The following POLE variants were observed in gnomAD, a reference collection of about 807,000 sequenced individuals.
POLE encodes DNA polymerase epsilon catalytic subunit A.
POLE carries 188 observed loss-of-function variants against 279.2 expected under a neutral mutation model. The ratio of observed to expected loss-of-function variants is 0.67; its 90% CI spans 0.60 to 0.76. The LOEUF (loss-of-function observed/expected upper bound fraction) is 0.76, where lower values mean the gene tolerates loss of function less well. Among genes scored for constraint, POLE ranks in the 30% least tolerant of loss-of-function variants. POLE has a pLI of 0.00. For missense variants in POLE, 2,703 were observed against 3,016.7 expected (o/e 0.90, Z 2.44); for synonymous variants, 1,214 against 1,172.5 (o/e 1.04, Z -0.72).
chr12:132,626,308 G>C lies in POLE; in HGVS notation c.6340C>G (p.Leu2114Val), dbSNP rs1165241306. ...FIKYVCKVLS[L>V]DTNITNQVNK... ...ACCTGGTTTGTGATGTTGGTGTCCA[G>C]GGACAGCACCTGCAGAGACCACAGC... is the stretch of plus-strand genomic sequence containing the variant. The change falls in exon 46 of 49, where the codon CTG becomes GTG. Residue 2114 changes from leucine (L) to valine (V), a missense_variant. Around this residue, in one of 5 missense-constraint regions of POLE, gnomAD observed 1,551 missense variants for 1,686.1 expected, o/e 0.92. Transcript: ENST00000320574. 1.9e-6 allele frequency: 3 copies of C among 1,613,590 alleles called. No homozygotes were observed. Among genetic ancestry groups the C allele is most frequent in the Non-Finnish European group, 1.7e-6 (2 of 1,179,998 alleles).
At chr12:132,657,629 G>A (rs1439420348) in intron 27 of POLE, among the ~76,000 whole-genome samples, 200 bp from the exon 28 acceptor site, 1 of 152,200 alleles carries the variant, frequency 6.6e-6, no homozygotes, top group Non-Finnish European at 1.5e-5. Flanking sequence ...GAGCTAGTAG[G>A]TGGCTGAGCC....
chr12:132,680,532 G>C, intron 3 of POLE, 75 bp downstream of exon 3: 1 of 1,193,190 alleles, frequency 8.4e-7, no homozygotes, highest in South Asian at 1.2e-5. Context: ...AGCCTCCCAT[G>C]CCCTCCCTGA....
Position 132,672,334 on chromosome 12 carries a change from G to C in POLE, c.1687-12C>G, listed in dbSNP as rs2135991387. 1 of 1,605,716 alleles carries C rather than the reference G, an allele frequency of 6.2e-7. No individual in the cohort carries two copies. ...AAGGCGGCAGGATTCTAGCACAACAGTGAGACGACGGGGTCAGAGGGGAAA... is the reference window on the plus strand; with the variant it reads ...AAGGCGGCAGGATTCTAGCACAACACTGAGACGACGGGGTCAGAGGGGAAA... On this transcript the variant is annotated splice_polypyrimidine_tract_variant and intron_variant, in intron 15 of 48. Coordinates refer to ENST00000320574, the MANE Select transcript of POLE (RefSeq NM_006231.4).
chr12:132,674,479 A>T (rs2042998599), intron 12 of POLE, among the ~76,000 whole-genome samples: 1 of 152,030 alleles, frequency 6.6e-6, no homozygotes, highest in African/African-American at 2.4e-5. Flanking sequence ...CCAGGCTAGC[A>T]TATCGGTAGC....
chr12:132,641,292 T>C, intron 39 of POLE: 2 of 385,658 alleles, frequency 5.2e-6, no homozygotes, highest in South Asian at 4.2e-5. Context: ...CGACGGCTCC[T>C]GACACCTAAG....
At chr12:132,626,584 A>G (rs953593960) in intron 45 of POLE, among the ~76,000 whole-genome samples, 3 of 151,456 alleles carry the variant, frequency 2.0e-5, no homozygotes, top group African/African-American at 7.3e-5. Context: ...GAGAGAGAGC[A>G]CTCAACCCAT....
In POLE at chr12:132,624,917, G is replaced by T; in HGVS notation, c.6735C>A (p.Thr2245=). Residue 2245 remains threonine, a synonymous_variant, in exon 48 of 49, where the codon ACC becomes ACA. Coordinates refer to ENST00000320574, the MANE Select transcript of POLE (RefSeq NM_006231.4). ...YCSCAGDFAL[T]IHTQVFMEQI... ...AGGGAGAGCCCACCTGGGTGTGGAT[G>T]GTGAGGGCGAAGTCTCCCGCGCAGC... is the stretch of plus-strand genomic sequence containing the variant. The T allele has an allele frequency of 3.7e-6, 6 of 1,613,874 alleles. No individual in the cohort carries two copies. Among genetic ancestry groups the T allele is most frequent in the Non-Finnish European group, 5.1e-6 (6 of 1,179,746 alleles).
Position 132,667,647 on chromosome 12 carries a change from A to G in POLE, c.2175T>C (p.Asp725=), listed in dbSNP as rs2135971281. The change falls in exon 20 of 49, where the codon GAT becomes GAC. Residue 725 remains aspartate (D), a splice_region_variant and synonymous_variant. Coordinates refer to ENST00000320574, the MANE Select transcript of POLE (RefSeq NM_006231.4). ...TCTTCTTGTAGGCTTTCCGGCAGTAATCTAAGCACGACGGAGATGGGCAGA... is the reference window on the plus strand; with the variant it reads ...TCTTCTTGTAGGCTTTCCGGCAGTAGTCTAAGCACGACGGAGATGGGCAGA... ...QAKYEKRRLA[D]YCRKAYKKIH... The G allele has an allele frequency of 6.2e-7, 1 of 1,614,108 alleles. No homozygotes were observed.
chr12:132,686,923 TCCCGCCGCTCTCATCGCC>T (rs2043286699), intron 1 of POLE, among the ~76,000 whole-genome samples: 1 of 130,106 alleles, frequency 7.7e-6, no homozygotes, highest in Admixed American at 7.9e-5. Flanking sequence ...CTGGCCCGGG[TCCCGCCGCTCTCATCGCC>T]CCCGCCGCGC....
rs2135976832 is a variant in POLE at position 132,668,539 on chromosome 12, G to A, written c.2027-37C>T. ...GCAATGGGGGCAAGTTCAAAAGGAG[G>A]CACAGACACACCGGCTTCCCACCAA... On this transcript the variant is annotated intron_variant, in intron 18 of 48. Coordinates refer to ENST00000320574, the MANE Select transcript of POLE (RefSeq NM_006231.4). This position sits in a 1 kb window ranked among gnomAD's most constrained non-coding sequence, Gnocchi z 4.0. 6.3e-7 allele frequency: 1 copy of A among 1,581,484 alleles called. No individual in the cohort carries two copies. Among genetic ancestry groups the A allele is most frequent in the Non-Finnish European group, 8.6e-7 (1 of 1,159,154 alleles).
chr12:132,629,227 T>A (rs2041890770), intron 45 of POLE, among the ~76,000 whole-genome samples: 1 of 152,192 alleles, frequency 6.6e-6, no homozygotes, highest in Admixed American at 6.6e-5. Flanking sequence ...GGAATCTTTT[T>A]CTGAGCTGCA....
At chr12:132,654,709 T>C (rs937820921) in intron 29 of POLE, among the ~76,000 whole-genome samples, 2 of 152,174 alleles carry the variant, frequency 1.3e-5, no homozygotes, top group African/African-American at 4.8e-5. Context: ...GGTGGATCAA[T>C]TGAGCCTGGG....
Position 132,668,195 on chromosome 12 carries a change from C to T in POLE, c.2173+161G>A, listed in dbSNP as rs1280623717. On this transcript the variant is annotated intron_variant, in intron 19 of 48. Coordinates refer to ENST00000320574, the MANE Select transcript of POLE (RefSeq NM_006231.4). This position sits in a 1 kb window ranked among gnomAD's most constrained non-coding sequence, Gnocchi z 4.0. ...CAGATGGGGAAGCAAATAAAGGACCCTGCAGTGAGAGCACAGCTTACAGTG... is the reference window on the plus strand; with the variant it reads ...CAGATGGGGAAGCAAATAAAGGACCTTGCAGTGAGAGCACAGCTTACAGTG... Among the ~76,000 whole-genome samples, 1 of 152,198 alleles carries T rather than the reference C, an allele frequency of 6.6e-6. No homozygotes were observed. Among genetic ancestry groups the T allele is most frequent in the Non-Finnish European group, 1.5e-5 (1 of 68,026 alleles).
chr12:132,627,445 A>T lies in POLE; in HGVS notation c.6331-1128T>A, dbSNP rs1008155003. ...CTTCCCAGTAGCTGGGACGACAGGC[A>T]TGCGCCACCATGCCCAGGTAATGTT... On this transcript the variant is annotated intron_variant, in intron 45 of 48. Transcript: ENST00000320574. Among the ~76,000 whole-genome samples the T allele has an allele frequency of 2.6e-5, 4 of 152,138 alleles. No individual in the cohort carries two copies. In the East Asian group the frequency reaches 7.7e-4, roughly 29 times the overall value.
At position 132,675,752 on chromosome 12, in the gene POLE, G is replaced by A. The variant is rs146639652; in HGVS notation, c.1089C>T (p.Asn363=). 23 of 1,613,820 alleles carry A rather than the reference G, an allele frequency of 1.4e-5. No individual in the cohort carries two copies. The highest frequency in any genetic ancestry group is 4.0e-5 in the African/African-American group (3 of 74,924). ...AGACTCACCAGTCAAAAAAGTCCCC[G>A]TTGTAGGTGACCATGATGGTGGGTT... The part of the protein sequence containing the change: ...ETKPTIMVTY[N]GDFFDWPFVE... The change falls in exon 11 of 49, where the codon AAC becomes AAT. Residue 363 remains asparagine (N), a synonymous_variant. Transcript: ENST00000320574. The surrounding 1 kb of genome is among the most constrained non-coding windows in gnomAD (Gnocchi z 4.3).
At chr12:132,680,486 C>T (rs2043143433) in intron 3 of POLE, 121 bp downstream of exon 3, 27 of 794,818 alleles carry the variant, frequency 3.4e-5, no homozygotes, top group South Asian at 3.4e-4. Context: ...TCCAGGGGCC[C>T]GAGTTCTGCT....
At chr12:132,652,750 A>G (rs2042450632) in intron 29 of POLE, among the ~76,000 whole-genome samples, 1 of 152,284 alleles carries the variant, frequency 6.6e-6, no homozygotes, top group South Asian at 2.1e-4. Flanking sequence ...TCCGACTAAC[A>G]GGGGAGTCTG....
Position 132,661,159 on chromosome 12 carries a change from G to T in POLE, c.2870C>A (p.Ala957Asp), listed in dbSNP as rs2138692665. Residue 957 changes from alanine to aspartate, a missense_variant, in exon 25 of 49, where the codon GCT becomes GAT. Physicochemically the swap from Ala to Asp is moderately radical, Grantham distance 126. Around this residue, in one of 5 missense-constraint regions of POLE, gnomAD observed 101 missense variants for 115.4 expected, o/e 0.87. Transcript: ENST00000320574. This position sits in a 1 kb window ranked among gnomAD's most constrained non-coding sequence, Gnocchi z 4.1. ...CAGAGAACCGTCTTCATTGAACACA[G>T]CATACCTGAAAAAAAAAAAAAAGGC... Reference protein sequence around the residue: ...EEGKKLKKRYAVFNEDGSLAE... With the variant: ...EEGKKLKKRYDVFNEDGSLAE... The T allele has an allele frequency of 1.3e-6, 2 of 1,574,040 alleles. No individual in the cohort carries two copies. The highest frequency in any genetic ancestry group is 8.6e-7 in the Non-Finnish European group (1 of 1,165,474).
At position 132,652,797 on chromosome 12, in the gene POLE, CATCTT is replaced by C. The variant is rs2042451896; in HGVS notation, c.3583-2913_3583-2909del. The stretch of plus-strand genomic sequence containing the variant: ...CCAATCGGCTCTACTGCTCTCCTCT[CATCTT>C]GTCAAGATGCCATGATAGTGTGTCT... On this transcript the variant is annotated intron_variant, in intron 29 of 48. Coordinates refer to ENST00000320574, the MANE Select transcript of POLE (RefSeq NM_006231.4). 2.0e-5 allele frequency among the ~76,000 whole-genome samples: 3 copies of C among 152,342 alleles called. No individual in the cohort carries two copies. The South Asian group carries it at 6.2e-4, about 32-fold the overall frequency.
Sources: allele counts gnomAD v4.1 joint callset (sites outside exome capture counted in the v4.1 genomes callset), GRCh38; gene constraint gnomAD v4.1.1; regional missense constraint gnomAD v4.1.1; non-coding constraint Gnocchi (gnomAD v3.1); transcripts MANE v1.5; gene names NCBI Gene and HGNC (gene_info 2026-07-23, HGNC 2026-07-21).